Variants in LAMA2 observed in about 807,000 individuals in gnomAD.
The protein encoded by LAMA2 is laminin subunit alpha-2.
LAMA2 carries 269 observed loss-of-function variants against 364.8 expected under a neutral mutation model. That is an observed-to-expected ratio of 0.74 (90% CI 0.67 to 0.82). The LOEUF is 0.82. Among genes scored for constraint, LAMA2 ranks in the 40% least tolerant of loss-of-function variants. The pLI is 0.00. For synonymous variants in LAMA2, 1,379 were observed against 1,370.6 expected, an observed-to-expected ratio of 1.01 and a Z score of -0.14; for missense variants, 3,807 against 3,873.2, an observed-to-expected ratio of 0.98 and a Z score of 0.45.
At chr6:129,193,907 A>G (rs1206390584) in intron 12 of LAMA2, among the ~76,000 whole-genome samples, 2 of 152,140 alleles carry the variant, frequency 1.3e-5, no homozygotes, top group Non-Finnish European at 2.9e-5. Flanking sequence ...AACACTTTTA[A>G]CTTATGGCCA....
intron 3 of LAMA2, among the ~76,000 whole-genome samples, chr6:129,088,910 G>A (rs975718278): frequency 6.6e-6 from 1 of 152,136 alleles, no homozygotes; most frequent in African/African-American, 2.4e-5. Context: ...CCCAGACGGG[G>A]TGGCGGCCGG....
chr6:129,292,153 T>C (rs941132152), intron 20 of LAMA2, among the ~76,000 whole-genome samples: 1 of 152,166 alleles, frequency 6.6e-6, no homozygotes, highest in Non-Finnish European at 1.5e-5. Flanking sequence ...AAGAACAGCC[T>C]GGCCAAGATG....
chr6:128,930,812 C>T (rs575320375), intron 1 of LAMA2, among the ~76,000 whole-genome samples: 1 of 152,266 alleles, frequency 6.6e-6, no homozygotes, highest in Admixed American at 6.5e-5. Context: ...TTGAATATTT[C>T]CCTGTTATCT....
chr6:129,388,131 G>A (rs1310081980), intron 35 of LAMA2, among the ~76,000 whole-genome samples: 3 of 151,740 alleles, frequency 2.0e-5, no homozygotes, highest in South Asian at 4.2e-4. Context: ...GGTGGCATGC[G>A]CTATAATTCC....
At chr6:129,486,369 G>A in intron 55 of LAMA2, 105 bp from the exon 56 acceptor site, 3 of 1,055,292 alleles carry the variant, frequency 2.8e-6, no homozygotes, top group East Asian at 2.4e-5. Context: ...AATTTCTCAG[G>A]TAAGATCTCA....
chr6:129,280,398 G>A (rs1788639258), intron 18 of LAMA2, among the ~76,000 whole-genome samples: 1 of 152,170 alleles, frequency 6.6e-6, no homozygotes, highest in Non-Finnish European at 1.5e-5. Context: ...TAAAGGTTAA[G>A]TATTAACCTA....
At chr6:128,997,139 T>G (rs1385783855) in intron 1 of LAMA2, among the ~76,000 whole-genome samples, 52 of 130,952 alleles carry the variant, frequency 4.0e-4, no homozygotes, top group African/African-American at 8.1e-4. Flanking sequence ...GGGGGAGGGG[T>G]GGGAGGCAAG....
chr6:129,331,664 C>G (rs1016811114), intron 29 of LAMA2, among the ~76,000 whole-genome samples: 1 of 151,086 alleles, frequency 6.6e-6, no homozygotes, highest in Non-Finnish European at 1.5e-5. Flanking sequence ...CTTTTTTTTT[C>G]CATCTTAAAA....
At chr6:129,420,050 G>A (rs1274844779) in intron 40 of LAMA2, among the ~76,000 whole-genome samples, 2 of 151,954 alleles carry the variant, frequency 1.3e-5, no homozygotes, top group African/African-American at 4.8e-5. Context: ...ATACAGAAAA[G>A]CAAGAAGAAG....
chr6:129,030,336 A>T (rs1239492196), intron 1 of LAMA2, among the ~76,000 whole-genome samples: 1 of 152,070 alleles, frequency 6.6e-6, no homozygotes, highest in Non-Finnish European at 1.5e-5. Flanking sequence ...AGGGTCCTTG[A>T]CTATGTTGTT....
chr6:129,513,189 G>A (rs1319506233), intron 63 of LAMA2, among the ~76,000 whole-genome samples: 1 of 152,130 alleles, frequency 6.6e-6, no homozygotes, highest in Non-Finnish European at 1.5e-5. Flanking sequence ...CCTTAGTGTT[G>A]CCTCCCAAGA....
intron 3 of LAMA2, among the ~76,000 whole-genome samples, chr6:129,062,095 A>G (rs952511752): frequency 1.3e-5 from 2 of 152,208 alleles, no homozygotes; most frequent in South Asian, 2.1e-4. Flanking sequence ...CAGACTTCCA[A>G]TTTGGCCTCA....
intron 19 of LAMA2, 70 bp downstream of exon 19, chr6:129,288,128 T>G: frequency 7.7e-7 from 1 of 1,303,458 alleles, no homozygotes; most frequent in Non-Finnish European, 1.1e-6. Context: ...GATGAGTTCT[T>G]GAGTGTGGAT....
chr6:129,362,596 G>A (rs569092395), intron 32 of LAMA2, among the ~76,000 whole-genome samples: 2 of 152,166 alleles, frequency 1.3e-5, no homozygotes, highest in African/African-American at 4.8e-5. Context: ...TATTAACTGT[G>A]TACAAGACCC....
rs182747233 is a variant in LAMA2, at chr6:128,945,064, G to A, written c.112+61707G>A. On this transcript the variant is annotated intron_variant, in intron 1 of 64. Transcript: ENST00000421865. ...AGGTTTGTTACATCACAGCATTTGA[G>A]GAATGGCTGGGGTGATGGCAAATAT... Among the ~76,000 whole-genome samples, 77 of 152,254 alleles carry A rather than the reference G, an allele frequency of 5.1e-4. 1 individual carries two copies. The highest frequency in any genetic ancestry group is 1.0e-3 in the Non-Finnish European group (68 of 68,012).
intron 45 of LAMA2, 48 bp downstream of exon 45, chr6:129,445,869 AT>A: frequency 6.5e-7 from 1 of 1,534,338 alleles, no homozygotes; most frequent in Non-Finnish European, 9.0e-7. Flanking sequence ...TAATTGTTGG[AT>A]TATTCATAGA....
intron 33 of LAMA2, among the ~76,000 whole-genome samples, chr6:129,367,890 T>C (rs554326776): frequency 6.6e-6 from 1 of 152,288 alleles, no homozygotes; most frequent in Admixed American, 6.5e-5. Context: ...TCACAGTCCA[T>C]TGGAGCTGCT....
intron 3 of LAMA2, among the ~76,000 whole-genome samples, chr6:129,097,755 A>T (rs1309086599): frequency 6.6e-6 from 1 of 152,226 alleles, no homozygotes; most frequent in Non-Finnish European, 1.5e-5. Context: ...TATGTGATAT[A>T]AGTAAACAAG....
chr6:129,262,667 C>A (rs1375785924), intron 15 of LAMA2, among the ~76,000 whole-genome samples: 2 of 151,962 alleles, frequency 1.3e-5, no homozygotes, highest in Non-Finnish European at 2.9e-5. Flanking sequence ...TTCATTTTTT[C>A]CTTATCAAAA....
Sources: gnomAD v4.1 joint callset for allele counts (sites outside exome capture counted in the v4.1 genomes callset) on GRCh38, gnomAD v4.1.1 for gene constraint, MANE v1.5 for transcripts, NCBI Gene and HGNC (gene_info 2026-07-23, HGNC 2026-07-21) for gene names.